Variants in DNAL4 observed in about 807,000 individuals in gnomAD.
The protein encoded by DNAL4 is dynein axonemal light chain 4, also known as dynein light chain, outer arm 4.
DNAL4 carries 10 observed loss-of-function variants against 12.6 expected under a neutral mutation model. That is an observed-to-expected ratio of 0.79 (90% CI 0.49 to 1.34). The LOEUF is 1.34. Among genes scored for constraint, DNAL4 ranks in the 40% most tolerant of loss-of-function variants. The pLI, the probability that DNAL4 is intolerant of heterozygous loss-of-function variation, is 0.00. For synonymous variants in DNAL4, 46 were observed against 53.1 expected, an observed-to-expected ratio of 0.87 and a Z score of 0.58; for missense variants, 128 against 138.1, an observed-to-expected ratio of 0.93 and a Z score of 0.37.
At chr22:38,788,762 A>C (rs1316987759) in intron 1 of DNAL4, among the ~76,000 whole-genome samples, 1 of 152,250 alleles carries the variant, frequency 6.6e-6, no homozygotes, top group African/African-American at 2.4e-5. Flanking sequence ...ATTTGAATCT[A>C]AGGGAGTAAG....
At chr22:38,791,406 T>C (rs1428038608) in intron 1 of DNAL4, among the ~76,000 whole-genome samples, 1 of 151,878 alleles carries the variant, frequency 6.6e-6, no homozygotes, top group Non-Finnish European at 1.5e-5. Context: ...CAGGCTGGAG[T>C]GCAAAGCCGT....
rs1263788890 is a variant in DNAL4 at position 38,782,019 on chromosome 22, T to C, written c.69+644A>G. On this transcript the variant is annotated intron_variant, in intron 2 of 3. Transcript: ENST00000216068. The surrounding 1 kb of genome is among the most constrained non-coding windows in gnomAD (Gnocchi z 5.1). The stretch of plus-strand genomic sequence containing the variant: ...CACTCCCCTGCTTAAAACCCTTCAG[T>C]GTTCCCCCTTCGATTCAGGACAGAA... Among the ~76,000 whole-genome samples, 13 of 152,246 alleles carry C rather than the reference T, an allele frequency of 8.5e-5. No homozygotes were observed. The highest frequency in any genetic ancestry group is 5.2e-4 in the Admixed American group (8 of 15,292).
Position 38,779,687 on chromosome 22 carries a change from G to A in DNAL4, c.154-74C>T. The A allele has an allele frequency of 6.6e-7, 1 of 1,506,884 alleles. No homozygotes were observed. Among genetic ancestry groups the A allele is most frequent in the Non-Finnish European group, 8.9e-7 (1 of 1,118,884 alleles). The allele number at this position is 1,506,884 out of a possible 1,614,324, so 93.3% of individuals were successfully genotyped here. A position where few individuals can be genotyped will look rare whatever the true frequency, so the allele number is the denominator to read the frequency against. ...AGGAGTCAGGTCCTTCTCCAGGAAG[G>A]AGAAGGCTGGCACTGAGGTCTTGGC... On this transcript the variant is annotated intron_variant, in intron 3 of 3. Transcript: ENST00000216068. This position sits in a 1 kb window ranked among gnomAD's most constrained non-coding sequence, Gnocchi z 4.3.
chr22:38,791,253 C>T (rs1034585921), intron 1 of DNAL4, among the ~76,000 whole-genome samples: 7 of 152,032 alleles, frequency 4.6e-5, no homozygotes, highest in Admixed American at 3.3e-4. Context: ...ATGAATGAAG[C>T]GTACAGGACA....
At chr22:38,783,294 T>C in intron 1 of DNAL4, among the ~76,000 whole-genome samples, 2 of 143,800 alleles carry the variant, frequency 1.4e-5, no homozygotes, top group African/African-American at 2.7e-5. Context: ...ACACGGGCCT[T>C]CCCTCCCACT....
chr22:38,784,714 C>G (rs568941815), intron 1 of DNAL4, among the ~76,000 whole-genome samples: 3 of 152,186 alleles, frequency 2.0e-5, no homozygotes, highest in Admixed American at 2.0e-4. Context: ...GGGGTTTCAC[C>G]GTGTTAGCCA....
chr22:38,782,870 G>C lies in DNAL4; in HGVS notation c.-139C>G. On this transcript the variant is annotated splice_region_variant and 5_prime_UTR_variant, in exon 2 of 4. Transcript: ENST00000216068. The surrounding 1 kb of genome is among the most constrained non-coding windows in gnomAD (Gnocchi z 5.1). Reference sequence around the variant, plus strand: ...CAGAAAATGTCTTTCCCCGGGGGGTGCTGCAGAAAACAGGAGAAACCAGAA... The same window carrying C: ...CAGAAAATGTCTTTCCCCGGGGGGTCCTGCAGAAAACAGGAGAAACCAGAA... 1 of 731,484 alleles carries C rather than the reference G, an allele frequency of 1.4e-6. No individual in the cohort carries two copies. The highest frequency in any genetic ancestry group is 2.2e-5 in the South Asian group (1 of 45,004). The allele number at this position is 731,484 out of a possible 1,614,324, so 45.3% of individuals were successfully genotyped here.
chr22:38,783,324 C>T (rs2093037306), intron 1 of DNAL4, among the ~76,000 whole-genome samples: 1 of 151,142 alleles, frequency 6.6e-6, no homozygotes, highest in Non-Finnish European at 1.5e-5. Context: ...GGCCTTCCCT[C>T]CCACTACACA....
chr22:38,780,754 G>T (rs1395490529), intron 3 of DNAL4, 172 bp downstream of exon 3: 5 of 643,762 alleles, frequency 7.8e-6, no homozygotes, highest in African/African-American at 1.9e-5. Flanking sequence ...AGTGCCTGGA[G>T]TCAGCGCCAG....
In DNAL4 at chr22:38,782,937, T is replaced by C; in HGVS notation, c.-139-67A>G. 2.0e-6 allele frequency: 1 copy of C among 496,466 alleles called. No homozygotes were observed. The highest frequency in any genetic ancestry group is 3.5e-6 in the Non-Finnish European group (1 of 283,126). The allele number at this position is 496,466 out of a possible 1,614,324, so 30.8% of individuals were successfully genotyped here. ...AAAACCATACATCGCAAATTAGAAA[T>C]GTCTCAGTAACAATCTGACACCTCC... On this transcript the variant is annotated intron_variant, in intron 1 of 3. Transcript: ENST00000216068. This position sits in a 1 kb window ranked among gnomAD's most constrained non-coding sequence, Gnocchi z 5.1.
At chr22:38,789,292 G>T (rs889595639) in intron 1 of DNAL4, among the ~76,000 whole-genome samples, 1 of 152,180 alleles carries the variant, frequency 6.6e-6, no homozygotes, top group African/African-American at 2.4e-5. Context: ...TCGAGACAGG[G>T]TCTCACTCTG....
rs950122147 is a variant in DNAL4 at position 38,779,190 on chromosome 22, C to T, written c.*259G>A. On this transcript the variant is annotated 3_prime_UTR_variant, in exon 4 of 4. Coordinates refer to ENST00000216068, the MANE Select transcript of DNAL4 (RefSeq NM_005740.3). The surrounding 1 kb of genome is among the most constrained non-coding windows in gnomAD (Gnocchi z 4.3). ...TCCCACCTCCTCTACCCTGTCACAC[C>T]GCCCCACCCCACGTCTCCCACACAG... The T allele has an allele frequency of 5.4e-5, 19 of 352,680 alleles. No individual in the cohort carries two copies. In the East Asian group the frequency reaches 8.0e-4, roughly 15 times the overall value. The allele number at this position is 352,680 out of a possible 1,614,324, so 21.8% of individuals were successfully genotyped here. A position where few individuals can be genotyped will look rare whatever the true frequency, so the allele number is the denominator to read the frequency against.
At chr22:38,788,723 GC>G (rs146069303) in intron 1 of DNAL4, among the ~76,000 whole-genome samples, 3,395 of 152,302 alleles carry the variant, frequency 0.022, 57 homozygotes, top group Middle Eastern at 0.038. Context: ...GCAGGCTCCC[GC>G]CCCGCTCTCT....
Position 38,782,452 on chromosome 22 carries a change from G to A in DNAL4, c.69+211C>T, listed in dbSNP as rs1331529859. Among the ~76,000 whole-genome samples the A allele has an allele frequency of 6.6e-6, 1 of 152,176 alleles. No individual in the cohort carries two copies. Among genetic ancestry groups the A allele is most frequent in the Non-Finnish European group, 1.5e-5 (1 of 68,032 alleles). The stretch of plus-strand genomic sequence containing the variant: ...CCATCCCCACAGTGCCTAGAACAGT[G>A]CCCGGCATAGAGTAGGTGGCCCAAT... On this transcript the variant is annotated intron_variant, in intron 2 of 3. Transcript: ENST00000216068. This position sits in a 1 kb window ranked among gnomAD's most constrained non-coding sequence, Gnocchi z 5.1.
At chr22:38,787,237 T>G (rs1048712885) in intron 1 of DNAL4, among the ~76,000 whole-genome samples, 8 of 151,550 alleles carry the variant, frequency 5.3e-5, no homozygotes, top group Non-Finnish European at 8.8e-5. Flanking sequence ...TCTTTCTTTC[T>G]TTCTTTCTTT....
In DNAL4 at chr22:38,786,964, T is replaced by A. The variant is rs77648949; in HGVS notation, c.-139-4094A>T. Among the ~76,000 whole-genome samples, 561 of 152,140 alleles carry A rather than the reference T, an allele frequency of 3.7e-3. 5 individuals carry two copies. Among genetic ancestry groups the A allele is most frequent in the African/African-American group, 0.012 (514 of 41,482 alleles). Reference sequence around the variant, plus strand: ...GGTGTGTGGGAGGGACTGGGAAAAATGAATGCGTTCTGGGAAATAAGGCCC... The same window carrying A: ...GGTGTGTGGGAGGGACTGGGAAAAAAGAATGCGTTCTGGGAAATAAGGCCC... On this transcript the variant is annotated intron_variant, in intron 1 of 3. Transcript: ENST00000216068.
intron 1 of DNAL4, among the ~76,000 whole-genome samples, chr22:38,789,556 G>A (rs1053296216): frequency 1.3e-5 from 2 of 152,160 alleles, no homozygotes; most frequent in African/African-American, 2.4e-5. Flanking sequence ...GATTATAAGC[G>A]TGAGTCACCA....
At chr22:38,788,683 G>A (rs1017270407) in intron 1 of DNAL4, among the ~76,000 whole-genome samples, 6 of 152,148 alleles carry the variant, frequency 3.9e-5, no homozygotes, top group African/African-American at 1.2e-4. Context: ...ATTAGCTCCC[G>A]GAGAACAGCT....
intron 1 of DNAL4, among the ~76,000 whole-genome samples, chr22:38,793,317 C>T (rs1439907342): frequency 6.6e-6 from 1 of 152,148 alleles, no homozygotes; most frequent in East Asian, 1.9e-4. Context: ...AGGAAAGAAA[C>T]TAACAAATAC....
Sources: allele counts gnomAD v4.1 joint callset (sites outside exome capture counted in the v4.1 genomes callset), GRCh38; gene constraint gnomAD v4.1.1; non-coding constraint Gnocchi (gnomAD v3.1); transcripts MANE v1.5; gene names NCBI Gene and HGNC (gene_info 2026-07-23, HGNC 2026-07-21).